Variants in TTC28 observed in about 807,000 individuals in gnomAD.
TTC28 encodes the protein tetratricopeptide repeat domain 28, also known as tetratricopeptide repeat protein 28.
TTC28 carries 61 observed loss-of-function variants against 198.0 expected under a neutral mutation model. That is an observed-to-expected ratio of 0.31 (90% CI 0.25 to 0.38). The LOEUF (loss-of-function observed/expected upper bound fraction) is 0.38, where lower values mean the gene tolerates loss of function less well. TTC28 is among the 10% of genes least tolerant of loss of function. The pLI is 1.00. For missense variants in TTC28, 2,678 were observed against 3,164.0 expected (o/e 0.85, Z 3.69); for synonymous variants, 1,171 against 1,297.8 (o/e 0.90, Z 2.10).
intron 8 of TTC28, among the ~76,000 whole-genome samples, chr22:28,101,490 C>G (rs1942151660): frequency 6.6e-6 from 1 of 152,154 alleles, no homozygotes; most frequent in African/African-American, 2.4e-5. Context: ...TCCGGAATAC[C>G]TGGGACTACG....
At chr22:28,173,973 G>T (rs1037602806) in intron 5 of TTC28, among the ~76,000 whole-genome samples, 2 of 152,170 alleles carry the variant, frequency 1.3e-5, no homozygotes, top group African/African-American at 2.4e-5. Context: ...AATGGGAAAT[G>T]TACCTGCGGC....
chr22:28,521,712 G>A (rs937060569), intron 2 of TTC28, among the ~76,000 whole-genome samples: 9 of 152,204 alleles, frequency 5.9e-5, no homozygotes, highest in African/African-American at 2.2e-4. Context: ...AGAGAGTAGA[G>A]AGAGGTAAAG....
chr22:28,426,211 CAAAAA>C (rs34448246), intron 2 of TTC28, among the ~76,000 whole-genome samples: 4 of 85,676 alleles, frequency 4.7e-5, no homozygotes, highest in Admixed American at 1.4e-4. Context: ...GACTCCACGT[CAAAAA>C]AAAAAAAAAA....
In TTC28 at chr22:28,094,086, T is replaced by C; in HGVS notation, c.3926A>G (p.Tyr1309Cys). ...GGGATGTTTTACTACCTACCTTGAG[T>C]AGTGAGACTCCACCCCCAGGGCCTC... ...VREALGVESHYSRACASSETE... is the reference protein window; with the variant it reads ...VREALGVESHCSRACASSETE... Residue 1309 changes from tyrosine (Y) to cysteine (C), a missense_variant, in exon 12 of 23, where the codon TAC becomes TGC. By Grantham distance (194) the Tyr-to-Cys change is radical. This residue lies in a region of TTC28 where 727 missense variants were observed against 861.9 expected (regional missense o/e 0.84). Coordinates refer to ENST00000397906, the MANE Select transcript of TTC28 (RefSeq NM_001145418.2). 1.3e-6 allele frequency: 2 copies of C among 1,542,332 alleles called. No homozygotes were observed. Among genetic ancestry groups the C allele is most frequent in the African/African-American group, 2.8e-5 (2 of 72,656 alleles).
At chr22:28,601,087 A>G (rs2050632664) in intron 2 of TTC28, among the ~76,000 whole-genome samples, 3 of 152,346 alleles carry the variant, frequency 2.0e-5, no homozygotes, top group Middle Eastern at 6.8e-3. Flanking sequence ...TTATTTTCAA[A>G]TATCACTAGA....
chr22:28,148,236 G>T (rs1943516756), intron 6 of TTC28, among the ~76,000 whole-genome samples: 1 of 152,174 alleles, frequency 6.6e-6, no homozygotes, highest in African/African-American at 2.4e-5. Context: ...AAATTAAAAT[G>T]ATATCATAAA....
intron 5 of TTC28, among the ~76,000 whole-genome samples, chr22:28,253,842 C>T (rs770877570): frequency 1.3e-5 from 2 of 152,096 alleles, no homozygotes; most frequent in Non-Finnish European, 2.9e-5. Flanking sequence ...CAGTGGCTCA[C>T]GCCTGTAATC....
intron 14 of TTC28, among the ~76,000 whole-genome samples, chr22:28,003,069 A>T (rs564879103): frequency 6.6e-6 from 1 of 152,284 alleles, no homozygotes; most frequent in African/African-American, 2.4e-5. Flanking sequence ...AGGCAGGAAG[A>T]AGTAGGGGTG....
At chr22:28,443,238 T>C (rs2047652496) in intron 2 of TTC28, among the ~76,000 whole-genome samples, 1 of 152,142 alleles carries the variant, frequency 6.6e-6, no homozygotes, top group African/African-American at 2.4e-5. Flanking sequence ...GCAGAGACCC[T>C]CCCTCAGAGA....
At chr22:28,009,969 C>G (rs975144385) in intron 14 of TTC28, among the ~76,000 whole-genome samples, 2 of 152,224 alleles carry the variant, frequency 1.3e-5, no homozygotes, top group Non-Finnish European at 2.9e-5. Context: ...AGGTTTCACT[C>G]TGTCTCATTT....
At chr22:28,650,736 C>G (rs888539354) in intron 1 of TTC28, among the ~76,000 whole-genome samples, 5 of 152,162 alleles carry the variant, frequency 3.3e-5, no homozygotes, top group Non-Finnish European at 7.3e-5. Flanking sequence ...GTCACCAGCA[C>G]TCTTACAAGA....
Position 28,428,640 on chromosome 22 carries a change from A to ATTTTAT in TTC28, c.382-122003_382-121998dup, listed in dbSNP as rs1428583853. Among the ~76,000 whole-genome samples the ATTTTAT allele has an allele frequency of 6.1e-5, 9 of 148,502 alleles. No homozygotes were observed. The East Asian group carries it at 1.7e-3, about 29-fold the overall frequency. ...ATTTTATTTTATTTTATTTTATTTT[A>ATTTTAT]TTTTATTTTATTTTTTGAGACAGAG... On this transcript the variant is annotated intron_variant, in intron 2 of 22. Coordinates refer to ENST00000397906, the MANE Select transcript of TTC28 (RefSeq NM_001145418.2).
chr22:28,251,965 A>T (rs1930545343), intron 5 of TTC28, among the ~76,000 whole-genome samples: 1 of 152,150 alleles, frequency 6.6e-6, no homozygotes, highest in African/African-American at 2.4e-5. Context: ...TCAGCTAATA[A>T]TTTTTTTAGA....
intron 1 of TTC28, among the ~76,000 whole-genome samples, chr22:28,648,678 G>T (rs758872335): frequency 6.6e-6 from 1 of 152,236 alleles, no homozygotes; most frequent in African/African-American, 2.4e-5. Context: ...GAAGGCCAAG[G>T]TGGGTGGATC....
intron 1 of TTC28, among the ~76,000 whole-genome samples, chr22:28,650,577 A>G (rs944324750): frequency 3.9e-5 from 6 of 152,226 alleles, no homozygotes; most frequent in Non-Finnish European, 7.3e-5. Context: ...GATAATTAGA[A>G]GGAAGTGGTG....
At chr22:27,993,795 CGCAGACAGTAAAGCAAT>C (rs1284344829) in intron 17 of TTC28, among the ~76,000 whole-genome samples, 2 of 152,172 alleles carry the variant, frequency 1.3e-5, no homozygotes, top group Non-Finnish European at 2.9e-5. Context: ...CCACACTCTC[CGCAGACAGTAAAGCAAT>C]GTGTCTGAAC....
At chr22:28,194,253 T>C (rs897586128) in intron 5 of TTC28, among the ~76,000 whole-genome samples, 8 of 152,262 alleles carry the variant, frequency 5.3e-5, no homozygotes, top group Non-Finnish European at 1.0e-4. Flanking sequence ...AGACACTACA[T>C]GCCAGAATCT....
intron 17 of TTC28, chr22:27,994,567 C>T (rs1937517472): frequency 6.6e-6 from 1 of 151,664 alleles, no homozygotes; most frequent in East Asian, 1.9e-4. Flanking sequence ...GGAGGACAGA[C>T]GATCAGCCCT....
At chr22:28,233,889 C>T (rs1211130722) in intron 5 of TTC28, among the ~76,000 whole-genome samples, 4 of 151,480 alleles carry the variant, frequency 2.6e-5, no homozygotes, top group African/African-American at 9.7e-5. Flanking sequence ...CAGGCACCCA[C>T]CACCACACCT....
Sources: gnomAD v4.1 joint callset for allele counts (sites outside exome capture counted in the v4.1 genomes callset) on GRCh38, gnomAD v4.1.1 for gene constraint, gnomAD v4.1.1 regional missense constraint, MANE v1.5 for transcripts, NCBI Gene and HGNC (gene_info 2026-07-23, HGNC 2026-07-21) for gene names.